PEX5L: variants seen among roughly 807,000 people sequenced by gnomAD.
The protein encoded by PEX5L is PEX5-related protein.
In PEX5L, 30 loss-of-function variants were observed where a neutral mutation model predicts 84.0. That is an observed-to-expected ratio of 0.36 (90% CI 0.27 to 0.48). The LOEUF (loss-of-function observed/expected upper bound fraction) is 0.48. Ranked by LOEUF, PEX5L falls within the 20% of genes least tolerant of loss-of-function variation. PEX5L has a pLI of 0.99. For synonymous variants in PEX5L, 270 were observed against 283.1 expected, an observed-to-expected ratio of 0.95 and a Z score of 0.46; for missense variants, 533 against 754.6, an observed-to-expected ratio of 0.71 and a Z score of 3.44.
chr3:179,879,636 T>C (rs1577975047), intron 5 of PEX5L, among the ~76,000 whole-genome samples: 1 of 152,346 alleles, frequency 6.6e-6, no homozygotes, highest in East Asian at 1.9e-4. Context: ...CAGAGCAAGA[T>C]GCACATTTTA....
intron 8 of PEX5L, 39 bp from the exon 9 acceptor site, chr3:179,820,015 A>C (rs1015472123): frequency 1.2e-6 from 2 of 1,612,986 alleles, no homozygotes; most frequent in African/African-American, 1.3e-5. Context: ...GGATTTAAGA[A>C]CATGCCACAT....
rs564331647 is a variant in PEX5L at position 179,826,619 on chromosome 3, G to A, written c.823-6643C>T. Among the ~76,000 whole-genome samples the A allele has an allele frequency of 2.6e-5, 4 of 152,266 alleles. No individual in the cohort carries two copies. The South Asian group carries it at 8.3e-4, about 32-fold the overall frequency. ...AGGAGATGGGGACATGTAGACATGG[G>A]CAGAGGGTCTTGGGGTTTGAATCTT... On this transcript the variant is annotated intron_variant, in intron 8 of 14. Transcript: ENST00000467460.
At chr3:179,827,684 CT>C (rs1560262516) in intron 8 of PEX5L, among the ~76,000 whole-genome samples, 1 of 152,130 alleles carries the variant, frequency 6.6e-6, no homozygotes, top group Non-Finnish European at 1.5e-5. Context: ...AGAGAAGGGA[CT>C]TTACTCTGGA....
chr3:179,973,834 G>A, intron 1 of PEX5L: 3 of 985,344 alleles, frequency 3.0e-6, no homozygotes, highest in Middle Eastern at 5.2e-4. Flanking sequence ...TTCCAAGAGT[G>A]GGAGGAGGCA....
intron 1 of PEX5L, among the ~76,000 whole-genome samples, chr3:179,997,938 T>C (rs1049383167): frequency 8.5e-5 from 13 of 152,234 alleles, no homozygotes; most frequent in Non-Finnish European, 1.8e-4. Flanking sequence ...GTCATAATCT[T>C]ATTCAAAGAG....
In PEX5L at chr3:179,900,580, T is replaced by C. The variant is rs1036979236; in HGVS notation, c.94-2334A>G. ...AACAAAACAAAAATTAGTCCTTTCA[T>C]GCTGAACTCTAGAACAAAGCAGTGG... On this transcript the variant is annotated intron_variant, in intron 2 of 14. Coordinates refer to ENST00000467460, the MANE Select transcript of PEX5L (RefSeq NM_016559.3). The C allele has an allele frequency of 8.9e-6, 8 of 903,786 alleles. No individual in the cohort carries two copies. In the African/African-American group the frequency reaches 1.3e-4, roughly 15 times the overall value. 56.0% of individuals were successfully genotyped at this position (903,786 alleles called of 1,614,324 possible). A position where few individuals can be genotyped will look rare whatever the true frequency, so the allele number is the denominator to read the frequency against.
Position 179,826,860 on chromosome 3 carries a change from A to G in PEX5L, c.823-6884T>C, listed in dbSNP as rs1730698126. The stretch of plus-strand genomic sequence containing the variant: ...GTTTGTCACTGTGCATTGCATTATG[A>G]AAATATTTAGGAAATGAAACAAGCC... On this transcript the variant is annotated intron_variant, in intron 8 of 14. Transcript: ENST00000467460. Among the ~76,000 whole-genome samples, 5 of 152,316 alleles carry G rather than the reference A, an allele frequency of 3.3e-5. No individual in the cohort carries two copies. In the South Asian group the frequency reaches 1.0e-3, roughly 32 times the overall value.
At chr3:180,026,661 G>A (rs1790984572) in intron 1 of PEX5L, among the ~76,000 whole-genome samples, 1 of 152,128 alleles carries the variant, frequency 6.6e-6, no homozygotes, top group Non-Finnish European at 1.5e-5. Context: ...GCCAATATAA[G>A]CTAGTTCTAC....
intron 4 of PEX5L, among the ~76,000 whole-genome samples, chr3:179,883,595 C>T (rs1754833169): frequency 6.6e-6 from 1 of 152,074 alleles, no homozygotes; most frequent in Admixed American, 6.6e-5. Flanking sequence ...GCCAGCCTGA[C>T]CAAAATGGAG....
rs1203954732 is a variant in PEX5L at position 179,796,134 on chromosome 3, T to G, written c.*5694A>C. ...AGCTGAGTGTGTATACCTCTTAGTCTTTTTGTGTTATACCATTTCCCTTTC... is the reference window on the plus strand; with the variant it reads ...AGCTGAGTGTGTATACCTCTTAGTCGTTTTGTGTTATACCATTTCCCTTTC... On this transcript the variant is annotated 3_prime_UTR_variant, in exon 15 of 15. Coordinates refer to ENST00000467460, the MANE Select transcript of PEX5L (RefSeq NM_016559.3). 6.6e-6 allele frequency: 1 copy of G among 152,140 alleles called. No individual in the cohort carries two copies. Among genetic ancestry groups the G allele is most frequent in the Admixed American group, 6.5e-5 (1 of 15,274 alleles). 9.4% of individuals were successfully genotyped at this position (152,140 alleles called of 1,614,324 possible). A position where few individuals can be genotyped will look rare whatever the true frequency, so the allele number is the denominator to read the frequency against.
chr3:179,962,309 G>A (rs944045850), intron 2 of PEX5L, among the ~76,000 whole-genome samples: 1 of 152,180 alleles, frequency 6.6e-6, no homozygotes, highest in African/African-American at 2.4e-5. Flanking sequence ...AGGAGTGGCT[G>A]AATGAACTCA....
chr3:179,819,887 G>C lies in PEX5L; in HGVS notation c.912C>G (p.Asn304Lys). The C allele has an allele frequency of 6.2e-7, 1 of 1,614,008 alleles. No individual in the cohort carries two copies. Among genetic ancestry groups the C allele is most frequent in the South Asian group, 1.1e-5 (1 of 91,076 alleles). The stretch of plus-strand genomic sequence containing the variant: ...TCTCACTAGCCGAGATGGTTACTTG[G>C]TTCTGGGCTTCTTGGTTCTCAGATA... ...NWISENQEAQ[N>K]QVTISASEKG... The change falls in exon 9 of 15, where the codon AAC becomes AAG. Residue 304 changes from asparagine (N) to lysine (K), a missense_variant. This residue lies in a region of PEX5L where 58 missense variants were observed against 56.4 expected (regional missense o/e 1.03). Transcript: ENST00000467460.
chr3:179,923,051 A>G (rs987122525), intron 2 of PEX5L, among the ~76,000 whole-genome samples: 1 of 151,908 alleles, frequency 6.6e-6, no homozygotes, highest in Non-Finnish European at 1.5e-5. Context: ...GCACTTTGGG[A>G]GGCCGAGGCG....
At chr3:179,998,576 T>G (rs899790621) in intron 1 of PEX5L, among the ~76,000 whole-genome samples, 4 of 152,190 alleles carry the variant, frequency 2.6e-5, no homozygotes, top group African/African-American at 9.6e-5. Flanking sequence ...AGACAGCTCT[T>G]GGTCTGTTAC....
chr3:179,853,131 T>C (rs181082206), intron 8 of PEX5L, among the ~76,000 whole-genome samples: 5 of 152,274 alleles, frequency 3.3e-5, no homozygotes, highest in African/African-American at 1.2e-4. Flanking sequence ...TGGTAAGCTA[T>C]ACTTGAGTGA....
At position 179,989,222 on chromosome 3, in the gene PEX5L, T is replaced by G. The variant is rs565504200; in HGVS notation, c.22-17557A>C. 2.0e-5 allele frequency among the ~76,000 whole-genome samples: 3 copies of G among 152,328 alleles called. No individual in the cohort carries two copies. The South Asian group carries it at 6.2e-4, about 32-fold the overall frequency. On this transcript the variant is annotated intron_variant, in intron 1 of 14. Transcript: ENST00000467460. ...ATTCTTCAGCATATCTAGGAAAGTTTAGATGCTTCGTAGAATTAAGAAGTA... is the reference window on the plus strand; with the variant it reads ...ATTCTTCAGCATATCTAGGAAAGTTGAGATGCTTCGTAGAATTAAGAAGTA...
chr3:179,895,327 A>T (rs1758905536), intron 3 of PEX5L, among the ~76,000 whole-genome samples: 1 of 152,142 alleles, frequency 6.6e-6, no homozygotes, highest in South Asian at 2.1e-4. Flanking sequence ...TTCAGGAGCC[A>T]CATAAAGCTC....
intron 2 of PEX5L, among the ~76,000 whole-genome samples, chr3:179,949,667 C>A (rs1778555062): frequency 6.6e-6 from 1 of 152,140 alleles, no homozygotes; most frequent in East Asian, 1.9e-4. Context: ...GCCCCAGCTG[C>A]TGCCTTTTTC....
chr3:179,848,843 C>G (rs941186594), intron 8 of PEX5L, among the ~76,000 whole-genome samples: 13 of 152,158 alleles, frequency 8.5e-5, no homozygotes, highest in Non-Finnish European at 1.9e-4. Flanking sequence ...GACTAAGACC[C>G]TGCCAATGGC....
Sources: gnomAD v4.1 joint callset for allele counts (sites outside exome capture counted in the v4.1 genomes callset) on GRCh38, gnomAD v4.1.1 for gene constraint, gnomAD v4.1.1 regional missense constraint, MANE v1.5 for transcripts, NCBI Gene and HGNC (gene_info 2026-07-23, HGNC 2026-07-21) for gene names.